MKLN1: variants seen among roughly 807,000 people sequenced by gnomAD.
MKLN1 encodes muskelin 1.
In MKLN1, 18 loss-of-function variants were observed where a neutral mutation model predicts 99.0. The ratio of observed to expected loss-of-function variants is 0.18; its 90% CI spans 0.13 to 0.27. The LOEUF is 0.27. MKLN1 is among the 10% of genes least tolerant of loss of function. The pLI is 1.00. For missense variants in MKLN1, 621 were observed against 875.9 expected (o/e 0.71, Z 3.67); for synonymous variants, 288 against 293.2 (o/e 0.98, Z 0.18).
chr7:131,236,673 TA>T (rs1797326330), intron 3 of MKLN1, among the ~76,000 whole-genome samples: 1 of 151,852 alleles, frequency 6.6e-6, no homozygotes, highest in Non-Finnish European at 1.5e-5. Context: ...AAAAAAATTT[TA>T]AAAAAAGTAG....
chr7:131,400,579 C>T (rs1241478189), intron 6 of MKLN1, among the ~76,000 whole-genome samples: 4 of 145,924 alleles, frequency 2.7e-5, no homozygotes, highest in African/African-American at 1.0e-4. Context: ...TTTTTTTAAC[C>T]TCATAAGATG....
intron 3 of MKLN1, among the ~76,000 whole-genome samples, chr7:131,273,436 G>A (rs1040826222): frequency 6.6e-6 from 1 of 152,154 alleles, no homozygotes; most frequent in Non-Finnish European, 1.5e-5. Flanking sequence ...CTGAGTTTTT[G>A]TGGAGAAGAT....
rs1584754894 is a variant in MKLN1 at position 131,448,993 on chromosome 7, C to A, written c.1525+3090C>A. On this transcript the variant is annotated intron_variant, in intron 12 of 17. Coordinates refer to ENST00000352689, the MANE Select transcript of MKLN1 (RefSeq NM_013255.5). The stretch of plus-strand genomic sequence containing the variant: ...TCCTTTCCCTTAGAGGACTCACATT[C>A]TAGTGGAGAGAGACCTGCAGTTGTG... 3.3e-5 allele frequency among the ~76,000 whole-genome samples: 5 copies of A among 152,240 alleles called. 1 individual carries two copies. Among genetic ancestry groups the A allele is most frequent in the Admixed American group, 3.3e-4 (5 of 15,288 alleles).
At chr7:131,355,425 T>C (rs1250478531) in intron 1 of MKLN1, among the ~76,000 whole-genome samples, 1 of 151,856 alleles carries the variant, frequency 6.6e-6, no homozygotes, top group Non-Finnish European at 1.5e-5. Flanking sequence ...TCTTTGCATT[T>C]TTTCCAGGTT....
chr7:131,147,217 A>ATTTTTT (rs71168371), intron 2 of MKLN1, among the ~76,000 whole-genome samples: 22 of 136,314 alleles, frequency 1.6e-4, no homozygotes, highest in Admixed American at 8.4e-4. Context: ...ACACCCAGCT[A>ATTTTTT]TTTTTTTTTT....
intron 9 of MKLN1, among the ~76,000 whole-genome samples, chr7:131,430,265 C>G (rs1795484408): frequency 6.6e-6 from 1 of 151,828 alleles, no homozygotes; most frequent in Non-Finnish European, 1.5e-5. Context: ...CTTGCTTACT[C>G]TGAAATTATG....
chr7:131,382,215 A>C (rs1446044475), intron 2 of MKLN1, among the ~76,000 whole-genome samples: 2 of 152,100 alleles, frequency 1.3e-5, no homozygotes, highest in Non-Finnish European at 2.9e-5. Context: ...ATTACAAAAA[A>C]TTAGCCAGGC....
chr7:131,358,811 A>G (rs535606005), intron 1 of MKLN1, among the ~76,000 whole-genome samples: 1 of 152,262 alleles, frequency 6.6e-6, no homozygotes, highest in South Asian at 2.1e-4. Context: ...TTATGGGAAT[A>G]GAGTTGTTCA....
intron 3 of MKLN1, among the ~76,000 whole-genome samples, chr7:131,224,646 G>A (rs938057796): frequency 3.9e-5 from 6 of 152,060 alleles, no homozygotes; most frequent in African/African-American, 4.8e-5. Context: ...GGAGGCTGAC[G>A]CCAGAGGATT....
At chr7:131,423,333 T>C (rs1349236507) in intron 8 of MKLN1, among the ~76,000 whole-genome samples, 1 of 152,072 alleles carries the variant, frequency 6.6e-6, no homozygotes, top group Non-Finnish European at 1.5e-5. Context: ...TTATTTTTAT[T>C]TATTTATTTA....
At chr7:131,283,098 G>A (rs769265441) in intron 3 of MKLN1, among the ~76,000 whole-genome samples, 2 of 152,188 alleles carry the variant, frequency 1.3e-5, no homozygotes, top group Non-Finnish European at 2.9e-5. Flanking sequence ...GGGCTCTTCA[G>A]TGTCATTTAT....
intron 13 of MKLN1, 26 bp downstream of exon 13, chr7:131,463,390 A>G: frequency 1.9e-6 from 3 of 1,593,912 alleles, no homozygotes; most frequent in Non-Finnish European, 2.6e-6. Flanking sequence ...CTCTGCTGCA[A>G]TCCCAATGTA....
chr7:131,397,434 CTCTTA>C, intron 5 of MKLN1, 58 bp downstream of exon 5: 1 of 832,962 alleles, frequency 1.2e-6, no homozygotes, highest in South Asian at 1.8e-5. Flanking sequence ...ATATGTCAAT[CTCTTA>C]TCTTCATTGA....
At chr7:131,172,947 G>A (rs747582056) in intron 2 of MKLN1, among the ~76,000 whole-genome samples, 10 of 152,096 alleles carry the variant, frequency 6.6e-5, no homozygotes, top group African/African-American at 9.7e-5. Context: ...AAATGACTGA[G>A]TCAAATTTGT....
chr7:131,298,095 C>A (rs959230085), intron 3 of MKLN1, among the ~76,000 whole-genome samples: 1 of 150,428 alleles, frequency 6.6e-6, no homozygotes, highest in Admixed American at 6.6e-5. Context: ...CACGGTGAAA[C>A]CCCGTCTCTA....
intron 11 of MKLN1, among the ~76,000 whole-genome samples, chr7:131,445,334 C>G (rs1424848872): frequency 6.6e-6 from 1 of 152,022 alleles, no homozygotes; most frequent in African/African-American, 2.4e-5. Context: ...CTGCTCTGTT[C>G]CTGCCACTAT....
intron 2 of MKLN1, among the ~76,000 whole-genome samples, chr7:131,196,427 A>G (rs1310580643): frequency 6.6e-6 from 1 of 152,248 alleles, no homozygotes; most frequent in African/African-American, 2.4e-5. Context: ...TCGCAAAGGA[A>G]AAAAGGCTGA....
chr7:131,364,947 G>A (rs1405171843), intron 1 of MKLN1, among the ~76,000 whole-genome samples: 2 of 152,004 alleles, frequency 1.3e-5, no homozygotes, highest in South Asian at 2.1e-4. Flanking sequence ...GGTACTTTAC[G>A]GTAAAATGAT....
chr7:131,165,432 G>T (rs1482534633), intron 2 of MKLN1, among the ~76,000 whole-genome samples: 1 of 152,098 alleles, frequency 6.6e-6, no homozygotes, highest in Non-Finnish European at 1.5e-5. Flanking sequence ...TGATCTGCCC[G>T]CCTCGGCCTT....
Sources: allele counts gnomAD v4.1 joint callset (sites outside exome capture counted in the v4.1 genomes callset), GRCh38; gene constraint gnomAD v4.1.1; transcripts MANE v1.5; gene names NCBI Gene and HGNC (gene_info 2026-07-23, HGNC 2026-07-21).